SLC14A2: variants seen among roughly 807,000 people sequenced by gnomAD.
SLC14A2 encodes urea transporter 2.
In SLC14A2, 91 loss-of-function variants were observed where a neutral mutation model predicts 104.6. That is an observed-to-expected ratio of 0.87 (90% CI 0.73 to 1.04). The LOEUF is 1.04. Among genes scored for constraint, SLC14A2 ranks in the 50% least tolerant of loss-of-function variants. The probability of loss-of-function intolerance (pLI) is 0.00; values close to 1 mark genes in which losing one functional copy is unlikely to be tolerated. For synonymous variants in SLC14A2, 476 were observed against 466.4 expected, an observed-to-expected ratio of 1.02 and a Z score of -0.27; for missense variants, 1,189 against 1,156.0, an observed-to-expected ratio of 1.03 and a Z score of -0.41.
At chr18:45,341,735 G>A (rs796710532) in intron 1 of SLC14A2, among the ~76,000 whole-genome samples, 2 of 150,008 alleles carry the variant, frequency 1.3e-5, no homozygotes, top group African/African-American at 4.9e-5. Context: ...TGGAACTATA[G>A]GTGCCACCAC....
At chr18:45,537,714 C>T (rs561085997) in intron 2 of SLC14A2, among the ~76,000 whole-genome samples, 17 of 152,158 alleles carry the variant, frequency 1.1e-4, no homozygotes, top group African/African-American at 3.9e-4. Flanking sequence ...TAGAATAGAC[C>T]GCATTGGCCA....
intron 2 of SLC14A2, among the ~76,000 whole-genome samples, chr18:45,502,278 T>C (rs9953877): frequency 0.011 from 1,709 of 152,360 alleles, 27 homozygotes; most frequent in African/African-American, 0.039. Flanking sequence ...AAACTCTCGA[T>C]AGTCTATTGT....
chr18:45,288,738 G>C (rs16978332), intron 1 of SLC14A2, among the ~76,000 whole-genome samples: 3,298 of 152,286 alleles, frequency 0.022, 72 homozygotes, highest in East Asian at 0.098. Context: ...GCGTCATTCT[G>C]CAAGTGCAGA....
At chr18:45,541,594 T>G (rs796203640) in intron 2 of SLC14A2, among the ~76,000 whole-genome samples, 31 of 152,190 alleles carry the variant, frequency 2.0e-4, no homozygotes, top group African/African-American at 7.0e-4. Flanking sequence ...AAAAGTTAGT[T>G]AAAATGTAAC....
intron 2 of SLC14A2, among the ~76,000 whole-genome samples, chr18:45,538,089 T>A (rs1324697282): frequency 6.6e-6 from 1 of 152,172 alleles, no homozygotes; most frequent in Admixed American, 6.5e-5. Flanking sequence ...ATGGAGTTTG[T>A]GAGTTCAAAA....
chr18:45,651,490 G>A (rs756789507), intron 10 of SLC14A2, among the ~76,000 whole-genome samples: 11 of 152,324 alleles, frequency 7.2e-5, no homozygotes, highest in African/African-American at 2.2e-4. Context: ...CACTAGGTAC[G>A]AGTGATAAGC....
chr18:45,499,155 GT>G (rs2043150579), intron 2 of SLC14A2, among the ~76,000 whole-genome samples: 1 of 152,176 alleles, frequency 6.6e-6, no homozygotes, highest in Non-Finnish European at 1.5e-5. Context: ...CTCACTGGTT[GT>G]TTTGGGGTCA....
chr18:45,229,503 G>A lies in SLC14A2; in HGVS notation c.-125+16312G>A, dbSNP rs149469591. Among the ~76,000 whole-genome samples, 751 of 152,172 alleles carry A rather than the reference G, an allele frequency of 4.9e-3. 5 individuals carry two copies. Among genetic ancestry groups the A allele is most frequent in the Non-Finnish European group, 8.5e-3 (576 of 68,006 alleles). Reference sequence around the variant, plus strand: ...GATAGGTCAGGCGAGAGCTAAACAAGTTCTGCCGTGTCACTCCTTCACTCA... The same window carrying A: ...GATAGGTCAGGCGAGAGCTAAACAAATTCTGCCGTGTCACTCCTTCACTCA... On this transcript the variant is annotated intron_variant, in intron 1 of 20. Transcript: ENST00000586448.
intron 2 of SLC14A2, among the ~76,000 whole-genome samples, chr18:45,497,078 T>G (rs552115052): frequency 6.6e-6 from 1 of 152,342 alleles, no homozygotes; most frequent in South Asian, 2.1e-4. Context: ...CTTTGCCTTG[T>G]AATAGTGTGA....
intron 2 of SLC14A2, chr18:45,515,347 A>G (rs2043424129): frequency 6.6e-6 from 1 of 152,234 alleles, no homozygotes. Flanking sequence ...TTTGGCATCA[A>G]AAACATGGGT....
intron 2 of SLC14A2, among the ~76,000 whole-genome samples, chr18:45,526,335 G>C (rs1378170565): frequency 2.0e-5 from 3 of 152,164 alleles, no homozygotes; most frequent in Non-Finnish European, 4.4e-5. Flanking sequence ...ATGCCTTGAG[G>C]CTGCAGCAAA....
intron 1 of SLC14A2, among the ~76,000 whole-genome samples, chr18:45,345,173 TAAAG>T (rs1199244803): frequency 6.6e-6 from 1 of 152,178 alleles, no homozygotes; most frequent in African/African-American, 2.4e-5. Flanking sequence ...CAGTGAGAAA[TAAAG>T]AAAGCTGTCT....
chr18:45,334,450 A>G (rs1317329428), intron 1 of SLC14A2, among the ~76,000 whole-genome samples: 1 of 152,180 alleles, frequency 6.6e-6, no homozygotes, highest in Admixed American at 6.5e-5. Context: ...CTACAGTGGC[A>G]GTAGTAAAAG....
In SLC14A2 at chr18:45,682,662, A is replaced by G. The variant is rs2046328866; in HGVS notation, c.*143A>G. ...ACAAAGAAGCGTGTATGTAGTCACC[A>G]TTCCAGAACCTCTCTTTTCTAAGAT... On this transcript the variant is annotated 3_prime_UTR_variant, in exon 20 of 20. Transcript: ENST00000255226. 1.9e-5 allele frequency: 13 copies of G among 669,708 alleles called. No homozygotes were observed. In the South Asian group the frequency reaches 2.1e-4, roughly 11 times the overall value. 41.5% of individuals were successfully genotyped at this position (669,708 alleles called of 1,614,324 possible). A position where few individuals can be genotyped will look rare whatever the true frequency, so the allele number is the denominator to read the frequency against.
At chr18:45,245,308 G>C (rs369166398) in intron 1 of SLC14A2, among the ~76,000 whole-genome samples, 242 of 152,274 alleles carry the variant, frequency 1.6e-3, no homozygotes, top group Non-Finnish European at 2.9e-3. Flanking sequence ...TGTAGCTGGA[G>C]ATTTTCCCTA....
intron 1 of SLC14A2, among the ~76,000 whole-genome samples, chr18:45,374,298 C>A (rs1199415742): frequency 6.6e-6 from 1 of 152,218 alleles, no homozygotes; most frequent in Non-Finnish European, 1.5e-5. Context: ...TCATAATTGG[C>A]AATCTGCATA....
At chr18:45,169,109 A>G in the SLC14A2 span, 1 of 152,196 alleles carries the variant, frequency 6.6e-6, no homozygotes, top group Non-Finnish European at 1.5e-5. Context: ...GAGATTAGCC[A>G]TGTGTGGTTG....
intron 1 of SLC14A2, among the ~76,000 whole-genome samples, chr18:45,398,314 A>C (rs187117743): frequency 7.9e-5 from 12 of 152,276 alleles, no homozygotes; most frequent in African/African-American, 2.9e-4. Flanking sequence ...TACCAAAATC[A>C]AACAATGAAA....
At chr18:45,357,877 C>T (rs1422689796) in intron 1 of SLC14A2, among the ~76,000 whole-genome samples, 3 of 152,198 alleles carry the variant, frequency 2.0e-5, no homozygotes, top group South Asian at 4.1e-4. Context: ...TTTTTGGTAA[C>T]CACAAATGCA....
Sources: allele counts gnomAD v4.1 joint callset (sites outside exome capture counted in the v4.1 genomes callset), GRCh38; gene constraint gnomAD v4.1.1; transcripts MANE v1.5; gene names NCBI Gene and HGNC (gene_info 2026-07-23, HGNC 2026-07-21).